Variants in SCHIP1 observed in about 807,000 individuals in gnomAD.
The protein encoded by SCHIP1 is schwannomin interacting protein 1, also known as schwannomin-interacting protein 1.
A neutral mutation model predicts 29.7 loss-of-function variants in SCHIP1; 8 were observed. The ratio of observed to expected loss-of-function variants is 0.27; its 90% CI spans 0.16 to 0.49. SCHIP1 has a LOEUF of 0.49. Among genes scored for constraint, SCHIP1 ranks in the 20% least tolerant of loss-of-function variants. SCHIP1 has a pLI of 0.99. For synonymous variants in SCHIP1, 76 were observed against 94.9 expected, an observed-to-expected ratio of 0.80 and a Z score of 1.16; for missense variants, 193 against 294.6, an observed-to-expected ratio of 0.66 and a Z score of 2.52.
chr3:159,835,741 T>C (rs1252570369), upstream of SCHIP1, among the ~76,000 whole-genome samples: 1 of 152,214 alleles, frequency 6.6e-6, no homozygotes, highest in Admixed American at 6.5e-5. Context: ...ACACAGCTTA[T>C]GCCAGAAAGT....
At chr3:159,641,696 G>C in the SCHIP1 span, among the ~76,000 whole-genome samples, 1 of 152,114 alleles carries the variant, frequency 6.6e-6, no homozygotes, top group South Asian at 2.1e-4. Flanking sequence ...TCACCCAAAT[G>C]GGTGGCACAT....
chr3:159,674,460 G>C, the SCHIP1 span, among the ~76,000 whole-genome samples: 9 of 152,076 alleles, frequency 5.9e-5, no homozygotes, highest in Admixed American at 5.9e-4. Flanking sequence ...ATATCCAGCA[G>C]GTGAACTAGA....
At chr3:159,397,987 T>G in the SCHIP1 span, among the ~76,000 whole-genome samples, 1 of 152,136 alleles carries the variant, frequency 6.6e-6, no homozygotes, top group Admixed American at 6.5e-5. Context: ...ACTCCGTGGG[T>G]GCAGGACCCT....
the SCHIP1 span, among the ~76,000 whole-genome samples, chr3:159,280,119 A>G: frequency 6.6e-6 from 1 of 151,858 alleles, no homozygotes; most frequent in African/African-American, 2.4e-5. Context: ...AGGGTCTCAG[A>G]TAAACTAAAA....
the SCHIP1 span, chr3:159,275,035 G>T: frequency 1.0e-6 from 1 of 976,760 alleles, no homozygotes; most frequent in Non-Finnish European, 1.2e-6. Flanking sequence ...ATTTGATTTT[G>T]GGATAAATGG....
chr3:159,828,442 T>TATATATATAC, the SCHIP1 span, among the ~76,000 whole-genome samples: 4,625 of 57,400 alleles, frequency 0.081, 426 homozygotes, highest in Admixed American at 0.14. Flanking sequence ...TATATATACG[T>TATATATATAC]ATATATATAC....
the SCHIP1 span, among the ~76,000 whole-genome samples, chr3:159,717,580 C>T: frequency 2.0e-5 from 3 of 152,210 alleles, no homozygotes; most frequent in East Asian, 3.9e-4. Flanking sequence ...TACAAACTAC[C>T]ATCAGAGAAT....
At chr3:159,508,304 G>C in the SCHIP1 span, among the ~76,000 whole-genome samples, 41 of 152,282 alleles carry the variant, frequency 2.7e-4, no homozygotes, top group African/African-American at 9.6e-4. Context: ...TGTGGGATCA[G>C]TGGTGATATC....
At chr3:159,346,189 G>C in the SCHIP1 span, among the ~76,000 whole-genome samples, 1 of 72,778 alleles carries the variant, frequency 1.4e-5, no homozygotes, top group African/African-American at 5.4e-5. Context: ...CTCTGTCTCA[G>C]AAAAAAAAAA....
the SCHIP1 span, among the ~76,000 whole-genome samples, chr3:159,338,368 A>C: frequency 6.6e-6 from 1 of 152,176 alleles, no homozygotes; most frequent in East Asian, 1.9e-4. Context: ...CAGAGGAAAC[A>C]AGTGTACAGG....
chr3:159,401,089 T>C, the SCHIP1 span: 1 of 598,912 alleles, frequency 1.7e-6, no homozygotes, highest in Non-Finnish European at 2.1e-6. Context: ...TAATAGCACA[T>C]CCTACAGGAT....
intron 1 of SCHIP1, among the ~76,000 whole-genome samples, chr3:159,864,878 G>A (rs893301072): frequency 2.6e-5 from 4 of 152,142 alleles, no homozygotes; most frequent in African/African-American, 7.2e-5. Context: ...TAGTGTGCCC[G>A]AAGAGCTGAA....
rs1208085191 is a variant in SCHIP1 at position 159,880,077 on chromosome 3, T to G, written c.150-6130T>G. Among the ~76,000 whole-genome samples the G allele has an allele frequency of 2.6e-5, 4 of 152,342 alleles. No individual in the cohort carries two copies. In the East Asian group the frequency reaches 7.7e-4, roughly 29 times the overall value. On this transcript the variant is annotated intron_variant, in intron 2 of 6. Transcript: ENST00000445224. ...CAGAGAGGGTCATTCACACTCCAAC[T>G]ACCTTTGGAGCTGCCTTCATCAGCT...
chr3:159,836,772 G>C (rs1015490772), upstream of SCHIP1, among the ~76,000 whole-genome samples: 1 of 152,104 alleles, frequency 6.6e-6, no homozygotes, highest in Non-Finnish European at 1.5e-5. Context: ...TACATAAAAA[G>C]TTCATCAATA....
At chr3:159,652,376 G>T in the SCHIP1 span, among the ~76,000 whole-genome samples, 2 of 152,120 alleles carry the variant, frequency 1.3e-5, no homozygotes, top group African/African-American at 4.8e-5. Flanking sequence ...AGTACATAAA[G>T]TAGAAGGGAA....
chr3:159,469,085 A>T, the SCHIP1 span, among the ~76,000 whole-genome samples: 1 of 152,028 alleles, frequency 6.6e-6, no homozygotes, highest in African/African-American at 2.4e-5. Context: ...TATTTTTATT[A>T]AGGAAACAGA....
At chr3:159,509,798 C>T in the SCHIP1 span, among the ~76,000 whole-genome samples, 3 of 152,192 alleles carry the variant, frequency 2.0e-5, no homozygotes, top group Admixed American at 2.0e-4. Context: ...TATTGTTCCC[C>T]ACTCTCTTCT....
chr3:159,298,608 G>A, the SCHIP1 span, among the ~76,000 whole-genome samples: 3 of 152,126 alleles, frequency 2.0e-5, no homozygotes, highest in Non-Finnish European at 1.5e-5. Context: ...GGACACTCTT[G>A]TATTGCCTGC....
chr3:159,831,618 G>T, the SCHIP1 span, among the ~76,000 whole-genome samples: 1 of 152,104 alleles, frequency 6.6e-6, no homozygotes, highest in Non-Finnish European at 1.5e-5. Flanking sequence ...TAAAGTAAGG[G>T]TTACTTGAAT....
Sources: allele counts gnomAD v4.1 joint callset (sites outside exome capture counted in the v4.1 genomes callset), GRCh38; gene constraint gnomAD v4.1.1; transcripts MANE v1.5; gene names NCBI Gene and HGNC (gene_info 2026-07-23, HGNC 2026-07-21).